The following NUP188 variants were observed in gnomAD, a reference collection of about 807,000 sequenced individuals.
NUP188 encodes the protein nucleoporin 188.
In NUP188, 97 loss-of-function variants were observed where a neutral mutation model predicts 223.0. The ratio of observed to expected loss-of-function variants is 0.43; its 90% CI spans 0.37 to 0.51. The LOEUF is 0.51. Among genes scored for constraint, NUP188 ranks in the 20% least tolerant of loss-of-function variants. NUP188 has a pLI of 0.00. For synonymous variants in NUP188, 869 were observed against 828.0 expected (o/e 1.05, Z -0.85); for missense variants, 1,947 against 2,175.6 (o/e 0.89, Z 2.09).
intron 15 of NUP188, among the ~76,000 whole-genome samples, chr9:128,981,949 T>C (rs908318858): frequency 2.0e-5 from 3 of 151,898 alleles, no homozygotes; most frequent in South Asian, 2.1e-4. Flanking sequence ...TGGTGGTGCA[T>C]GCCTGTAATC....
intron 2 of NUP188, among the ~76,000 whole-genome samples, chr9:128,952,165 G>A (rs932365351): frequency 3.9e-5 from 6 of 152,088 alleles, no homozygotes; most frequent in Non-Finnish European, 7.4e-5. Flanking sequence ...GCACTTTGCT[G>A]ACATGGGCAG....
chr9:128,950,046 C>G (rs1032454600), intron 2 of NUP188, among the ~76,000 whole-genome samples: 1 of 151,108 alleles, frequency 6.6e-6, no homozygotes, highest in African/African-American at 2.4e-5. Flanking sequence ...CCTCAGCCTC[C>G]CCAGTAGCTG....
rs748942434 is a variant in NUP188, at chr9:129,005,398, C to G, written c.4605C>G (p.Pro1535=). ...CTGCCCCCTCCTCCTCAAAGCAGCC[C>G]GCTGCTGACACAGAGGCATCAGAGC... ...ASAAPSSSKQ[P]AADTEASEQQ... The change falls in exon 40 of 44, where the codon CCC becomes CCG. Residue 1535 remains proline (P), a synonymous_variant. Transcript: ENST00000372577. 1.1e-5 allele frequency: 17 copies of G among 1,611,920 alleles called. No individual in the cohort carries two copies. The highest frequency in any genetic ancestry group is 1.4e-5 in the Non-Finnish European group (17 of 1,180,002).
chr9:128,968,111 A>G (rs998478782), intron 8 of NUP188, among the ~76,000 whole-genome samples: 16 of 152,102 alleles, frequency 1.1e-4, no homozygotes, highest in African/African-American at 3.9e-4. Context: ...TTAAAAAAAG[A>G]AAAAATGAGC....
At chr9:128,987,409 G>T (rs1431233071) in intron 22 of NUP188, among the ~76,000 whole-genome samples, 180 bp from the exon 23 acceptor site, 1 of 152,094 alleles carries the variant, frequency 6.6e-6, no homozygotes, top group Non-Finnish European at 1.5e-5. Context: ...GCTTCTCAGG[G>T]TGATCTTTAG....
At chr9:128,993,793 A>C in intron 27 of NUP188, 99 bp downstream of exon 27, 6 of 1,070,634 alleles carry the variant, frequency 5.6e-6, no homozygotes, top group Non-Finnish European at 6.9e-6. Context: ...TTCACTGGGA[A>C]TAAGAGTGCT....
rs28365524 is a variant in NUP188 at position 128,951,917 on chromosome 9, C to T, written c.88-856C>T. Among the ~76,000 whole-genome samples, 396 of 151,956 alleles carry T rather than the reference C, an allele frequency of 2.6e-3. 1 individual carries two copies. The highest frequency in any genetic ancestry group is 9.3e-3 in the African/African-American group (386 of 41,420). Reference sequence around the variant, plus strand: ...AAGTGATTCTCCTGCCTCAGCCTCCCGAGTAGCTGGGATTACAGGCATACA... The same window carrying T: ...AAGTGATTCTCCTGCCTCAGCCTCCTGAGTAGCTGGGATTACAGGCATACA... On this transcript the variant is annotated intron_variant, in intron 2 of 43. Coordinates refer to ENST00000372577, the MANE Select transcript of NUP188 (RefSeq NM_015354.3).
At chr9:128,959,438 G>T (rs1486881377) in intron 8 of NUP188, among the ~76,000 whole-genome samples, 1 of 151,628 alleles carries the variant, frequency 6.6e-6, no homozygotes, top group Non-Finnish European at 1.5e-5. Flanking sequence ...GACTACACCT[G>T]GCCTATAACT....
Position 129,005,462 on chromosome 9 carries a change from A to G in NUP188, c.4669A>G (p.Ile1557Val), listed in dbSNP as rs147294504. Residue 1557 changes from isoleucine to valine, a missense_variant, in exon 40 of 44, where the codon ATC (isoleucine) becomes GTC (valine). Coordinates refer to ENST00000372577, the MANE Select transcript of NUP188 (RefSeq NM_015354.3). ...LHTVQYGLLKILSKTLAALRH... is the reference protein window; with the variant it reads ...LHTVQYGLLKVLSKTLAALRH... ...CACAGTCCAGTATGGCCTTCTCAAG[A>G]TCCTCAGCAAGACGCTGGCAGCCCT... The G allele has an allele frequency of 6.4e-5, 103 of 1,606,720 alleles. 1 individual carries two copies. The Middle Eastern group carries it at 8.2e-4, about 13-fold the overall frequency.
At chr9:128,962,186 C>G (rs1017243251) in intron 8 of NUP188, among the ~76,000 whole-genome samples, 4 of 151,924 alleles carry the variant, frequency 2.6e-5, no homozygotes, top group Non-Finnish European at 5.9e-5. Flanking sequence ...CTGCCTACCT[C>G]AACCCATCAA....
chr9:128,986,424 C>CT (rs971379508), intron 20 of NUP188, 134 bp from the exon 21 acceptor site: 83 of 938,294 alleles, frequency 8.8e-5, no homozygotes, highest in African/African-American at 2.5e-4. Context: ...TTTGATGTTT[C>CT]TTTTTTTTCA....
intron 24 of NUP188, 95 bp downstream of exon 24, chr9:128,988,281 C>A: frequency 7.2e-7 from 1 of 1,381,678 alleles, no homozygotes; most frequent in Non-Finnish European, 1.0e-6. Flanking sequence ...TTTTGGATGT[C>A]AACAGTATTT....
chr9:129,006,331 A>G lies in NUP188; in HGVS notation c.5036A>G (p.Asp1679Gly). 6.2e-7 allele frequency: 1 copy of G among 1,614,130 alleles called. No individual in the cohort carries two copies. Among genetic ancestry groups the G allele is most frequent in the Non-Finnish European group, 8.5e-7 (1 of 1,180,010 alleles). ...AGGGACCCGGCTGTGCACCCCCGGG[A>G]CAAACAGCGGATGAAGCAGGAGCTC... is the stretch of plus-strand genomic sequence containing the variant. ...YLRDPAVHPR[D>G]KQRMKQELSS... is the part of the protein sequence containing the mutation. Residue 1679 changes from aspartate to glycine, a missense_variant, in exon 43 of 44, where the codon GAC becomes GGC. By Grantham distance (94) the Asp-to-Gly change is moderately conservative (BLOSUM62 -1). This residue lies in a region of NUP188 where 905 missense variants were observed against 990.6 expected (regional missense o/e 0.91). Coordinates refer to ENST00000372577, the MANE Select transcript of NUP188 (RefSeq NM_015354.3).
chr9:128,983,259 CT>C (rs770452432), intron 17 of NUP188, 33 bp from the exon 18 acceptor site: 1 of 1,575,546 alleles, frequency 6.3e-7, no homozygotes, highest in African/African-American at 1.3e-5. Context: ...GTATTATTTG[CT>C]TTATTGAGTA....
intron 12 of NUP188, among the ~76,000 whole-genome samples, chr9:128,976,293 A>C (rs1204958586): frequency 6.6e-6 from 1 of 152,186 alleles, no homozygotes; most frequent in African/African-American, 2.4e-5. Flanking sequence ...GTGACTAGGA[A>C]CTTGTTTTGT....
At position 128,959,121 on chromosome 9, in the gene NUP188, A is replaced by G. The variant is rs762740256; in HGVS notation, c.572A>G (p.His191Arg). 9 of 1,597,444 alleles carry G rather than the reference A, an allele frequency of 5.6e-6. No homozygotes were observed. The highest frequency in any genetic ancestry group is 1.1e-5 in the South Asian group (1 of 87,596). ...YKTEAPTWET[H>R]GNLMTERQVS... ...ACTGAAGCACCAACTTGGGAGACAC[A>G]TGGAAATCTCATGGTATGTGGTTAC... is the stretch of plus-strand genomic sequence containing the variant. Residue 191 changes from histidine to arginine, a missense_variant, in exon 8 of 44, where the codon CAT (histidine) becomes CGT (arginine). His to Arg is a conservative substitution (Grantham distance 29, BLOSUM62 0). Around this residue, in one of 3 missense-constraint regions of NUP188, gnomAD observed 817 missense variants for 865.8 expected, o/e 0.94. Coordinates refer to ENST00000372577, the MANE Select transcript of NUP188 (RefSeq NM_015354.3).
At chr9:128,982,450 T>G in intron 15 of NUP188, 99 bp from the exon 16 acceptor site, 3 of 1,098,604 alleles carry the variant, frequency 2.7e-6, no homozygotes, top group Non-Finnish European at 3.9e-6. Context: ...TGTCTGTGAG[T>G]TTGTGTATCT....
chr9:128,999,437 A>C (rs2302812), intron 33 of NUP188, 120 bp downstream of exon 33: 1 of 1,381,228 alleles, frequency 7.2e-7, no homozygotes, highest in African/African-American at 1.4e-5. Context: ...GTTTCCAGTC[A>C]TGGAATTCTT....
At chr9:128,966,128 C>CGT (rs34851120) in intron 8 of NUP188, among the ~76,000 whole-genome samples, 4,066 of 136,802 alleles carry the variant, frequency 0.03, 60 homozygotes, top group Middle Eastern at 0.05. Flanking sequence ...TTTCTGCCTC[C>CGT]GTGTGTGTGT....
Sources: allele counts gnomAD v4.1 joint callset (sites outside exome capture counted in the v4.1 genomes callset), GRCh38; gene constraint gnomAD v4.1.1; regional missense constraint gnomAD v4.1.1; transcripts MANE v1.5; gene names NCBI Gene and HGNC (gene_info 2026-07-23, HGNC 2026-07-21).